CNBD1: variants seen among roughly 807,000 people sequenced by gnomAD.
The protein encoded by CNBD1 is cyclic nucleotide binding domain containing 1.
Under a neutral mutation model 54.4 loss-of-function variants are expected in CNBD1, and 71 were observed. The ratio of observed to expected loss-of-function variants is 1.30; its 90% confidence interval spans 1.08 to 1.59. CNBD1 has a LOEUF of 1.59. CNBD1 is among the 40% of genes most tolerant of loss of function. CNBD1 has a pLI of 0.00. For synonymous variants in CNBD1, 182 were observed against 170.7 expected (o/e 1.07, Z -0.51); for missense variants, 659 against 518.0 (o/e 1.27, Z -2.64).
intron 4 of CNBD1, among the ~76,000 whole-genome samples, chr8:86,989,984 A>G (rs989288348): frequency 1.3e-5 from 2 of 152,134 alleles, no homozygotes; most frequent in Admixed American, 1.3e-4. Context: ...CCTATTTGCC[A>G]TGTGTGTATC....
chr8:87,371,206 TG>T (rs1034750452), intron 10 of CNBD1, among the ~76,000 whole-genome samples: 1 of 151,966 alleles, frequency 6.6e-6, no homozygotes, highest in Admixed American at 6.6e-5. Context: ...GACTGGGCAA[TG>T]GGGGCTCTTT....
chr8:87,424,447 A>G (rs868249946), intron 2 of CNBD1, among the ~76,000 whole-genome samples: 3 of 152,148 alleles, frequency 2.0e-5, no homozygotes, highest in South Asian at 4.1e-4. Flanking sequence ...ACTGCTTTGA[A>G]TGCGTCCCAG....
chr8:86,875,687 G>A, intron 1 of CNBD1, among the ~76,000 whole-genome samples: 1 of 151,786 alleles, frequency 6.6e-6, no homozygotes, highest in East Asian at 1.9e-4. Context: ...TATTGCCTCT[G>A]GTGTTTCAAC....
chr8:87,172,353 G>A (rs1813106277), intron 4 of CNBD1, among the ~76,000 whole-genome samples: 1 of 152,020 alleles, frequency 6.6e-6, no homozygotes, highest in African/African-American at 2.4e-5. Context: ...ACAGCTATTG[G>A]ATGAAATGCT....
intron 10 of CNBD1, among the ~76,000 whole-genome samples, chr8:87,375,884 C>T (rs4602903): frequency 0.019 from 2,868 of 151,810 alleles, 92 homozygotes; most frequent in African/African-American, 0.063. Flanking sequence ...CTGTCTTTTC[C>T]TTTTTTCAGG....
At chr8:86,872,113 C>T (rs986557758) in intron 1 of CNBD1, among the ~76,000 whole-genome samples, 2 of 152,178 alleles carry the variant, frequency 1.3e-5, no homozygotes, top group Non-Finnish European at 2.9e-5. Flanking sequence ...ACACTGTTAA[C>T]TCTACCTTAA....
intron 6 of CNBD1, among the ~76,000 whole-genome samples, chr8:87,275,616 A>T (rs1179852963): frequency 6.6e-6 from 1 of 151,672 alleles, no homozygotes; most frequent in Non-Finnish European, 1.5e-5. Flanking sequence ...AGCCAATATC[A>T]TACTGAATGG....
intron 8 of CNBD1, among the ~76,000 whole-genome samples, chr8:87,335,994 T>A (rs574176934): frequency 1.3e-5 from 2 of 152,232 alleles, no homozygotes; most frequent in South Asian, 4.1e-4. Context: ...GGGTTGAAAA[T>A]TCTTTTATTT....
chr8:87,072,616 A>AGAATGTT (rs1176753592), intron 4 of CNBD1, among the ~76,000 whole-genome samples: 3 of 152,134 alleles, frequency 2.0e-5, no homozygotes, highest in African/African-American at 7.2e-5. Context: ...CTTTCATTTA[A>AGAATGTT]GAATGTTGAA....
chr8:87,058,419 G>T (rs1204747591), intron 4 of CNBD1, among the ~76,000 whole-genome samples: 1 of 152,194 alleles, frequency 6.6e-6, no homozygotes, highest in Non-Finnish European at 1.5e-5. Flanking sequence ...GGGACTCTGT[G>T]TGGGGATTCC....
intron 4 of CNBD1, among the ~76,000 whole-genome samples, chr8:87,041,178 T>C (rs1428612205): frequency 6.6e-6 from 1 of 152,122 alleles, no homozygotes; most frequent in Non-Finnish European, 1.5e-5. Flanking sequence ...TAAGAACTAC[T>C]ATGAAGCCAG....
chr8:87,425,313 T>C (rs1808025550), intron 2 of CNBD1, among the ~76,000 whole-genome samples: 1 of 152,242 alleles, frequency 6.6e-6, no homozygotes, highest in African/African-American at 2.4e-5. Flanking sequence ...AGCCTTCTTC[T>C]GTCAGCTCGT....
intron 4 of CNBD1, among the ~76,000 whole-genome samples, chr8:87,093,990 G>C (rs765452726): frequency 6.6e-6 from 1 of 152,102 alleles, no homozygotes; most frequent in Non-Finnish European, 1.5e-5. Context: ...GTAATGGCTG[G>C]ATCTACCTTA....
intron 4 of CNBD1, among the ~76,000 whole-genome samples, chr8:86,958,656 C>CT (rs931814488): frequency 1.8e-4 from 28 of 151,980 alleles, no homozygotes; most frequent in African/African-American, 4.8e-4. Flanking sequence ...GCAACCCCTG[C>CT]TTTTTTTTGT....
intron 8 of CNBD1, among the ~76,000 whole-genome samples, chr8:87,328,570 T>C (rs902006815): frequency 6.6e-6 from 1 of 152,054 alleles, no homozygotes; most frequent in East Asian, 1.9e-4. Flanking sequence ...TTTATCAAGA[T>C]TGTTTTGACT....
intron 4 of CNBD1, among the ~76,000 whole-genome samples, chr8:86,980,391 C>T (rs1300469906): frequency 5.3e-5 from 8 of 152,212 alleles, no homozygotes; most frequent in Non-Finnish European, 1.0e-4. Context: ...TTACTGTACA[C>T]ATTTATCCAC....
At chr8:87,279,948 G>T (rs1000427865) in intron 6 of CNBD1, among the ~76,000 whole-genome samples, 1 of 151,434 alleles carries the variant, frequency 6.6e-6, no homozygotes, top group Non-Finnish European at 1.5e-5. Flanking sequence ...CTTAGAAAGT[G>T]CATATTCATA....
intron 6 of CNBD1, among the ~76,000 whole-genome samples, chr8:87,260,530 AC>A (rs1808115232): frequency 6.6e-6 from 1 of 152,154 alleles, no homozygotes; most frequent in African/African-American, 2.4e-5. Flanking sequence ...ATTAATCAAA[AC>A]TTTACAGGGG....
chr8:87,356,505 T>A (rs1464549883), intron 10 of CNBD1, among the ~76,000 whole-genome samples: 2 of 152,086 alleles, frequency 1.3e-5, no homozygotes, highest in Non-Finnish European at 2.9e-5. Context: ...TTGTGGAAAG[T>A]TAAACTTAAG....
Sources: gnomAD v4.1 joint callset for allele counts (sites outside exome capture counted in the v4.1 genomes callset) on GRCh38, gnomAD v4.1.1 for gene constraint, MANE v1.5 for transcripts, NCBI Gene and HGNC (gene_info 2026-07-23, HGNC 2026-07-21) for gene names.